C2CD5: variants seen among roughly 807,000 people sequenced by gnomAD.
C2CD5 encodes C2 domain-containing protein 5.
A neutral mutation model predicts 130.3 loss-of-function variants in C2CD5; 109 were observed. The observed-to-expected ratio is 0.84, with a 90% CI of 0.72 to 0.98. The LOEUF (loss-of-function observed/expected upper bound fraction) is 0.98, where lower values mean the gene tolerates loss of function less well. Ranked by LOEUF, C2CD5 falls within the 50% of genes least tolerant of loss-of-function variation. The pLI, the probability that C2CD5 is intolerant of heterozygous loss-of-function variation, is 0.00. For missense variants in C2CD5, 996 were observed against 1,261.8 expected (o/e 0.79, Z 3.19); for synonymous variants, 454 against 429.2 (o/e 1.06, Z -0.71).
intron 6 of C2CD5, among the ~76,000 whole-genome samples, chr12:22,523,842 T>G (rs1217593722): frequency 6.6e-6 from 1 of 151,442 alleles, no homozygotes; most frequent in East Asian, 1.9e-4. Flanking sequence ...TATATACTTA[T>G]ACAGCACAAA....
At chr12:22,532,354 T>C (rs1383012528) in intron 3 of C2CD5, among the ~76,000 whole-genome samples, 4 of 151,280 alleles carry the variant, frequency 2.6e-5, no homozygotes, top group Non-Finnish European at 4.4e-5. Context: ...AGTTTACATA[T>C]ATTATTCTCT....
At chr12:22,495,326 A>G (rs1050964832) in intron 10 of C2CD5, among the ~76,000 whole-genome samples, 4 of 152,120 alleles carry the variant, frequency 2.6e-5, no homozygotes, top group African/African-American at 7.2e-5. Flanking sequence ...AGTAATCCAT[A>G]AACAGTGTTT....
chr12:22,519,009 A>T lies in C2CD5; in HGVS notation c.801-872T>A, dbSNP rs1201715437. On this transcript the variant is annotated intron_variant, in intron 7 of 26. Transcript: ENST00000446597. The stretch of plus-strand genomic sequence containing the variant: ...TGGACTTCGAGTAAGAAAAGGATGA[A>T]GCAAAGATTTATGGTACCTGCCTAC... 4.2e-6 allele frequency: 4 copies of T among 957,702 alleles called. 1 individual carries two copies. The highest frequency in any genetic ancestry group is 5.9e-6 in the Non-Finnish European group (4 of 676,858). 59.3% of individuals were successfully genotyped at this position (957,702 alleles called of 1,614,324 possible). A position where few individuals can be genotyped will look rare whatever the true frequency, so the allele number is the denominator to read the frequency against.
At chr12:22,461,031 C>G (rs1941040253) in intron 22 of C2CD5, among the ~76,000 whole-genome samples, 1 of 152,138 alleles carries the variant, frequency 6.6e-6, no homozygotes, top group African/African-American at 2.4e-5. Flanking sequence ...GACTGGAGAT[C>G]TAGATAGGAA....
At position 22,471,756 on chromosome 12, in the gene C2CD5, G is replaced by T. The variant is rs113495960; in HGVS notation, c.2268+211C>A. On this transcript the variant is annotated intron_variant, in intron 19 of 26. Transcript: ENST00000446597. The stretch of plus-strand genomic sequence containing the variant: ...ACACTAGATTTTTATGGAAGTTAAA[G>T]CTATTAACTAAAACTATTTCTTTTA... Among the ~76,000 whole-genome samples, 1,377 of 151,960 alleles carry T rather than the reference G, an allele frequency of 9.1e-3. 29 individuals carry two copies. The highest frequency in any genetic ancestry group is 0.031 in the African/African-American group (1,303 of 41,484).
rs544545627 is a variant in C2CD5 at position 22,491,135 on chromosome 12, G to A, written c.1263-917C>T. On this transcript the variant is annotated intron_variant, in intron 11 of 26. Transcript: ENST00000446597. ...ACAGAAAGTAGCATGGGCTGGAACA[G>A]AAAAGATTAGTTAAAATTTAAATAC... Among the ~76,000 whole-genome samples, 3 of 152,282 alleles carry A rather than the reference G, an allele frequency of 2.0e-5. No homozygotes were observed. The South Asian group carries it at 6.2e-4, about 32-fold the overall frequency.
In C2CD5 at chr12:22,523,536, G is replaced by A. The variant is rs769991906; in HGVS notation, c.690C>T (p.Gly230=). The A allele has an allele frequency of 1.1e-5, 18 of 1,613,636 alleles. No individual in the cohort carries two copies. Among genetic ancestry groups the A allele is most frequent in the Middle Eastern group, 1.7e-4 (1 of 6,060 alleles). The part of the protein sequence containing the change: ...VGYLQCFDLE[G]ESGLVVRAIG... ...TGGCTCGCACCACTAACCCAGACTC[G>A]CCCTCCAGATCGAAACACTGTAAGT... Residue 230 remains glycine (G), a synonymous_variant, in exon 7 of 27, where the codon GGC becomes GGT. Coordinates refer to ENST00000446597, the MANE Select transcript of C2CD5 (RefSeq NM_001286176.2).
intron 12 of C2CD5, among the ~76,000 whole-genome samples, chr12:22,487,780 T>C (rs1005784523): frequency 3.8e-4 from 57 of 151,930 alleles, no homozygotes; most frequent in Non-Finnish European, 6.2e-4. Flanking sequence ...CTATTCACAA[T>C]AGCAAACACT....
In C2CD5 at chr12:22,529,981, C is replaced by T. The variant is rs912703828; in HGVS notation, c.178-2089G>A. Among the ~76,000 whole-genome samples the T allele has an allele frequency of 5.3e-5, 8 of 150,832 alleles. No individual in the cohort carries two copies. In the South Asian group the frequency reaches 1.3e-3, roughly 24 times the overall value. On this transcript the variant is annotated intron_variant, in intron 3 of 26. Transcript: ENST00000446597. Reference sequence around the variant, plus strand: ...TAGATGATGGAGTCCCAAATGACTGCGTGGAGCAACCACACTACCCTTACA... The same window carrying T: ...TAGATGATGGAGTCCCAAATGACTGTGTGGAGCAACCACACTACCCTTACA...
intron 14 of C2CD5, among the ~76,000 whole-genome samples, chr12:22,480,399 C>T (rs1299015580): frequency 6.6e-6 from 1 of 152,172 alleles, no homozygotes; most frequent in Non-Finnish European, 1.5e-5. Flanking sequence ...AAGAAAGAAG[C>T]TACTCTTGAG....
intron 9 of C2CD5, among the ~76,000 whole-genome samples, chr12:22,511,076 G>C (rs183562488): frequency 9.2e-4 from 139 of 151,492 alleles, no homozygotes; most frequent in Non-Finnish European, 1.6e-3. Flanking sequence ...ACCTAGCAAT[G>C]CTTCTGTGGA....
intron 3 of C2CD5, chr12:22,534,710 T>A (rs1025858724): frequency 6.6e-6 from 1 of 152,646 alleles, no homozygotes; most frequent in Non-Finnish European, 1.5e-5. Context: ...ATATGAAATA[T>A]CTAGCATAAG....
intron 23 of C2CD5, chr12:22,458,786 C>T: frequency 3.0e-6 from 1 of 329,554 alleles, no homozygotes; most frequent in Non-Finnish European, 5.5e-6. Flanking sequence ...TCTCAGTTAG[C>T]AGGCTGAGCA....
In C2CD5 at chr12:22,482,625, C is replaced by T. The variant is rs1277493062; in HGVS notation, c.1669G>A (p.Gly557Arg). The change falls in exon 14 of 27, where the codon GGA becomes AGA. Residue 557 changes from glycine (G) to arginine (R), a missense_variant. Transcript: ENST00000446597. ...CTTAGTCCAAACAAAGCATTCATTCCTTTGAGTTTTAGTTTATTCATTAGC... is the reference window on the plus strand; with the variant it reads ...CTTAGTCCAAACAAAGCATTCATTCTTTTGAGTTTTAGTTTATTCATTAGC... ...TQLMNKLKLK[G>R]MNALFGLRIQ... 8.7e-6 allele frequency: 14 copies of T among 1,613,514 alleles called. No homozygotes were observed. Among genetic ancestry groups the T allele is most frequent in the Non-Finnish European group, 1.2e-5 (14 of 1,179,720 alleles).
intron 22 of C2CD5, among the ~76,000 whole-genome samples, chr12:22,464,153 A>C (rs1941677127): frequency 6.6e-6 from 1 of 152,220 alleles, no homozygotes; most frequent in Non-Finnish European, 1.5e-5. Context: ...ACACAGAAAG[A>C]CAGAACTAGC....
chr12:22,519,270 A>G, intron 7 of C2CD5: 1 of 1,529,470 alleles, frequency 6.5e-7, no homozygotes, highest in South Asian at 1.2e-5. Flanking sequence ...AGTGGAAGAA[A>G]AGAAAACAAT....
At chr12:22,539,916 TGA>T (rs147911815) in intron 2 of C2CD5, among the ~76,000 whole-genome samples, 7,902 of 148,298 alleles carry the variant, frequency 0.053, 696 homozygotes, top group African/African-American at 0.19. Context: ...CGCTTGAACC[TGA>T]GAGGCAGAGT....
intron 9 of C2CD5, among the ~76,000 whole-genome samples, chr12:22,511,594 T>C (rs372557836): frequency 1.1e-4 from 17 of 152,328 alleles, no homozygotes; most frequent in African/African-American, 3.6e-4. Context: ...TGAAGTTTAT[T>C]TAGTAATCTA....
intron 10 of C2CD5, among the ~76,000 whole-genome samples, chr12:22,497,111 A>G (rs760121291): frequency 3.3e-5 from 5 of 152,170 alleles, no homozygotes; most frequent in Non-Finnish European, 7.4e-5. Flanking sequence ...ATTAAGAAAT[A>G]CCAACTACCT....
Sources: gnomAD v4.1 joint callset for allele counts (sites outside exome capture counted in the v4.1 genomes callset) on GRCh38, gnomAD v4.1.1 for gene constraint, MANE v1.5 for transcripts, NCBI Gene and HGNC (gene_info 2026-07-23, HGNC 2026-07-21) for gene names.